CACNA2D1: variants seen among roughly 807,000 people sequenced by gnomAD.
CACNA2D1 encodes calcium voltage-gated channel auxiliary subunit alpha2delta 1.
Under a neutral mutation model 171.5 loss-of-function variants are expected in CACNA2D1, and 53 were observed. The observed-to-expected ratio is 0.31, with a 90% CI of 0.25 to 0.39. The LOEUF is 0.39. CACNA2D1 is among the 10% of genes least tolerant of loss of function. CACNA2D1 has a pLI of 1.00. For synonymous variants in CACNA2D1, 442 were observed against 443.1 expected, an observed-to-expected ratio of 1.00 and a Z score of 0.03; for missense variants, 903 against 1,299.8, an observed-to-expected ratio of 0.69 and a Z score of 4.69.
chr7:81,948,520 G>A lies in CACNA2D1; in HGVS notation c.*1872C>T, dbSNP rs1261072080. 6.6e-6 allele frequency: 1 copy of A among 151,748 alleles called. No homozygotes were observed. Among genetic ancestry groups the A allele is most frequent in the East Asian group, 1.9e-4 (1 of 5,170 alleles). 9.4% of individuals were successfully genotyped at this position (151,748 alleles called of 1,614,324 possible). On this transcript the variant is annotated 3_prime_UTR_variant, in exon 39 of 39. Coordinates refer to ENST00000356860, the MANE Select transcript of CACNA2D1 (RefSeq NM_000722.4). ...TACCTAAGGTATATTGGTGGTGGGA[G>A]GGAATTACAAATGTATGCAAAGCTA...
At chr7:82,009,732 C>A (rs1319768445) in intron 15 of CACNA2D1, among the ~76,000 whole-genome samples, 2 of 151,558 alleles carry the variant, frequency 1.3e-5, no homozygotes, top group African/African-American at 4.9e-5. Context: ...TCATTTGGGC[C>A]CAACTTGAAT....
At chr7:82,071,638 A>G (rs1808330231) in intron 7 of CACNA2D1, among the ~76,000 whole-genome samples, 1 of 152,076 alleles carries the variant, frequency 6.6e-6, no homozygotes, top group Admixed American at 6.6e-5. Flanking sequence ...CTACACGTGG[A>G]AAAAAATGGT....
chr7:82,375,058 A>C (rs904635214), intron 1 of CACNA2D1, among the ~76,000 whole-genome samples: 2 of 152,190 alleles, frequency 1.3e-5, no homozygotes, highest in African/African-American at 4.8e-5. Context: ...ACTCCCAAAA[A>C]TATCATATTG....
At chr7:82,140,049 C>T (rs1792178662) in intron 4 of CACNA2D1, among the ~76,000 whole-genome samples, 1 of 151,744 alleles carries the variant, frequency 6.6e-6, no homozygotes, top group Admixed American at 6.6e-5. Flanking sequence ...CCTCAGCATC[C>T]CAAAGTGTTG....
At chr7:82,149,793 A>G (rs1793588584) in intron 4 of CACNA2D1, among the ~76,000 whole-genome samples, 1 of 143,734 alleles carries the variant, frequency 7.0e-6, no homozygotes, top group Non-Finnish European at 1.5e-5. Context: ...CAAACAAACA[A>G]CAAAAAAAAA....
At chr7:82,397,773 C>T (rs1264434222) in intron 1 of CACNA2D1, among the ~76,000 whole-genome samples, 2 of 152,150 alleles carry the variant, frequency 1.3e-5, no homozygotes, top group African/African-American at 2.4e-5. Context: ...GTGATAGGCG[C>T]TGTTATAATC....
chr7:82,349,780 G>A (rs1329798192), intron 1 of CACNA2D1, 131 bp from the exon 2 acceptor site: 1 of 756,664 alleles, frequency 1.3e-6, no homozygotes. Context: ...TCCTAGCACC[G>A]ACTATGTCCA....
chr7:82,112,214 G>T (rs1788553200), intron 6 of CACNA2D1, among the ~76,000 whole-genome samples: 1 of 152,052 alleles, frequency 6.6e-6, no homozygotes, highest in Non-Finnish European at 1.5e-5. Context: ...ATCTCTCGTG[G>T]ATTGCATTTC....
At chr7:82,052,019 C>A (rs934782548) in intron 10 of CACNA2D1, among the ~76,000 whole-genome samples, 1 of 152,132 alleles carries the variant, frequency 6.6e-6, no homozygotes, top group Non-Finnish European at 1.5e-5. Flanking sequence ...TGAAAAATTA[C>A]TGTTATTTTT....
chr7:82,064,483 A>G, intron 8 of CACNA2D1, 129 bp from the exon 9 acceptor site: 1 of 609,766 alleles, frequency 1.6e-6, no homozygotes, highest in Non-Finnish European at 3.0e-6. Context: ...CTATCTAAGT[A>G]GACAATGGTT....
intron 5 of CACNA2D1, among the ~76,000 whole-genome samples, chr7:82,135,397 GC>G (rs1279955041): frequency 6.6e-6 from 1 of 151,874 alleles, no homozygotes; most frequent in African/African-American, 2.4e-5. Context: ...TACTTAATAA[GC>G]CTCCTACATC....
chr7:82,017,012 T>G (rs557548910), intron 12 of CACNA2D1, among the ~76,000 whole-genome samples: 29 of 152,248 alleles, frequency 1.9e-4, no homozygotes, highest in Non-Finnish European at 2.8e-4. Flanking sequence ...GCAACCTTCT[T>G]TATAATTTAT....
chr7:82,381,042 G>A (rs987093860), intron 1 of CACNA2D1, among the ~76,000 whole-genome samples: 5 of 151,850 alleles, frequency 3.3e-5, no homozygotes, highest in African/African-American at 1.2e-4. Flanking sequence ...GCCGGGTGTG[G>A]TGGCTCACGC....
intron 4 of CACNA2D1, among the ~76,000 whole-genome samples, chr7:82,138,765 A>G (rs1465547834): frequency 6.6e-6 from 1 of 151,990 alleles, no homozygotes; most frequent in East Asian, 1.9e-4. Flanking sequence ...TATTTTTATA[A>G]AAAAGCAGAG....
At chr7:82,315,311 G>A (rs1814982961) in intron 3 of CACNA2D1, among the ~76,000 whole-genome samples, 1 of 151,672 alleles carries the variant, frequency 6.6e-6, no homozygotes. Flanking sequence ...GAAAGACTAA[G>A]GAAAGAATAG....
intron 38 of CACNA2D1, among the ~76,000 whole-genome samples, chr7:81,952,507 T>C (rs1468038926): frequency 6.6e-6 from 1 of 152,130 alleles, no homozygotes; most frequent in Non-Finnish European, 1.5e-5. Context: ...CATAAAATAA[T>C]CAATTCTTAG....
Position 82,319,335 on chromosome 7 carries a change from T to A in CACNA2D1, c.294+15800A>T, listed in dbSNP as rs528770950. 1.4e-4 allele frequency among the ~76,000 whole-genome samples: 21 copies of A among 152,262 alleles called. No individual in the cohort carries two copies. The South Asian group carries it at 3.7e-3, about 27-fold the overall frequency. On this transcript the variant is annotated intron_variant, in intron 3 of 38. Coordinates refer to ENST00000356860, the MANE Select transcript of CACNA2D1 (RefSeq NM_000722.4). Reference sequence around the variant, plus strand: ...CAATTTTTGAATCAAAATACAGTTGTTAACAAAGACATCAAAAATTATACA... The same window carrying A: ...CAATTTTTGAATCAAAATACAGTTGATAACAAAGACATCAAAAATTATACA...
chr7:82,244,285 A>C (rs1053052714), intron 3 of CACNA2D1, among the ~76,000 whole-genome samples: 11 of 152,126 alleles, frequency 7.2e-5, no homozygotes, highest in Admixed American at 1.3e-4. Flanking sequence ...ATGACACTAA[A>C]GGATGAGTTA....
chr7:81,982,781 A>G, intron 23 of CACNA2D1, 154 bp from the exon 24 acceptor site: 1 of 704,654 alleles, frequency 1.4e-6, no homozygotes, highest in South Asian at 1.5e-5. Flanking sequence ...ATGAATATAA[A>G]TGTCCTCAAT....
Sources: allele counts gnomAD v4.1 joint callset (sites outside exome capture counted in the v4.1 genomes callset), GRCh38; gene constraint gnomAD v4.1.1; transcripts MANE v1.5; gene names NCBI Gene and HGNC (gene_info 2026-07-23, HGNC 2026-07-21).